The following KSR2 variants were observed in gnomAD, a reference collection of about 807,000 sequenced individuals.
KSR2 encodes the protein kinase suppressor of ras 2.
Under a neutral mutation model 107.8 loss-of-function variants are expected in KSR2, and 25 were observed. The observed-to-expected ratio is 0.23, with a 90% CI of 0.17 to 0.32. The LOEUF (loss-of-function observed/expected upper bound fraction) is 0.32. KSR2 is among the 10% of genes least tolerant of loss of function. The pLI is 1.00. For synonymous variants in KSR2, 480 were observed against 507.0 expected (o/e 0.95, Z 0.71); for missense variants, 887 against 1,268.9 (o/e 0.70, Z 4.57).
intron 1 of KSR2, among the ~76,000 whole-genome samples, chr12:117,922,011 T>G (rs142278168): frequency 3.3e-5 from 5 of 152,336 alleles, no homozygotes; most frequent in Non-Finnish European, 5.9e-5. Context: ...TAGAATTTGA[T>G]GCACTAAATG....
intron 4 of KSR2, among the ~76,000 whole-genome samples, chr12:117,690,957 C>G (rs1445419526): frequency 6.6e-6 from 1 of 152,144 alleles, no homozygotes; most frequent in African/African-American, 2.4e-5. Context: ...TTCCCACCTC[C>G]AAGGAAACCA....
chr12:117,798,042 G>A (rs1344332085), intron 3 of KSR2, among the ~76,000 whole-genome samples: 1 of 152,126 alleles, frequency 6.6e-6, no homozygotes, highest in Non-Finnish European at 1.5e-5. Flanking sequence ...CAGCATGGGG[G>A]CCCTGATCCC....
At chr12:117,831,675 A>G (rs1891974654) in intron 3 of KSR2, among the ~76,000 whole-genome samples, 1 of 152,226 alleles carries the variant, frequency 6.6e-6, no homozygotes, top group Non-Finnish European at 1.5e-5. Flanking sequence ...AAGACATTGG[A>G]CTTTGTATAT....
intron 3 of KSR2, among the ~76,000 whole-genome samples, chr12:117,845,440 G>C (rs562032080): frequency 1.3e-5 from 2 of 152,158 alleles, no homozygotes; most frequent in South Asian, 2.1e-4. Flanking sequence ...TCAAGTCTCA[G>C]CTTAAATGTC....
intron 14 of KSR2, among the ~76,000 whole-genome samples, chr12:117,523,335 T>C (rs1435200833): frequency 6.6e-6 from 1 of 152,100 alleles, no homozygotes; most frequent in Non-Finnish European, 1.5e-5. Context: ...TTGAGCTGAG[T>C]AGAGCAAGGA....
chr12:117,485,934 C>T (rs914315804), intron 14 of KSR2, among the ~76,000 whole-genome samples: 2 of 152,220 alleles, frequency 1.3e-5, no homozygotes, highest in South Asian at 2.1e-4. Context: ...CCCACAGAAT[C>T]TAGCCTAGTC....
chr12:117,817,920 G>C (rs1054334886), intron 3 of KSR2, among the ~76,000 whole-genome samples: 1 of 152,066 alleles, frequency 6.6e-6, no homozygotes. Flanking sequence ...GGCCAACACA[G>C]TAAAACCCCG....
intron 1 of KSR2, among the ~76,000 whole-genome samples, chr12:117,957,922 C>A (rs1395214980): frequency 6.6e-6 from 1 of 151,612 alleles, no homozygotes; most frequent in Non-Finnish European, 1.5e-5. Context: ...ACCTGCGCCT[C>A]CTGGGTTCAA....
chr12:117,564,911 CTTTG>C (rs1406476820), intron 7 of KSR2, among the ~76,000 whole-genome samples: 1 of 152,208 alleles, frequency 6.6e-6, no homozygotes, highest in African/African-American at 2.4e-5. Flanking sequence ...TCGTATCCCT[CTTTG>C]TTTGTGAAAT....
At chr12:117,753,774 T>C (rs747553032) in intron 4 of KSR2, among the ~76,000 whole-genome samples, 1 of 150,192 alleles carries the variant, frequency 6.7e-6, no homozygotes, top group African/African-American at 2.5e-5. Context: ...AGTTTACCTA[T>C]GTAACAAACC....
chr12:117,958,845 C>G (rs1896586235), intron 1 of KSR2, among the ~76,000 whole-genome samples: 1 of 152,022 alleles, frequency 6.6e-6, no homozygotes, highest in African/African-American at 2.4e-5. Flanking sequence ...AATGATGGGG[C>G]ATCCATGTCA....
intron 4 of KSR2, among the ~76,000 whole-genome samples, chr12:117,728,629 TCCCCCAGC>T (rs1245306272): frequency 6.6e-6 from 1 of 152,126 alleles, no homozygotes; most frequent in Non-Finnish European, 1.5e-5. Flanking sequence ...ACCTGTGTGT[TCCCCCAGC>T]GCTGCAAAAC....
intron 4 of KSR2, among the ~76,000 whole-genome samples, chr12:117,668,750 G>A (rs1409259253): frequency 1.3e-5 from 2 of 152,074 alleles, no homozygotes; most frequent in Non-Finnish European, 2.9e-5. Context: ...ATTATATTAT[G>A]GATATCTGTC....
intron 4 of KSR2, among the ~76,000 whole-genome samples, chr12:117,730,741 C>T (rs965697638): frequency 1.3e-5 from 2 of 152,224 alleles, no homozygotes; most frequent in Non-Finnish European, 2.9e-5. Context: ...AGCTCCTGAC[C>T]GCGAGTGATC....
At chr12:117,914,636 G>C (rs1895123691) in intron 1 of KSR2, among the ~76,000 whole-genome samples, 1 of 152,160 alleles carries the variant, frequency 6.6e-6, no homozygotes, top group South Asian at 2.1e-4. Flanking sequence ...CCAGGCTCAA[G>C]CCATCCTCCC....
chr12:117,810,351 C>T (rs1260388447), intron 3 of KSR2, among the ~76,000 whole-genome samples: 1 of 152,126 alleles, frequency 6.6e-6, no homozygotes, highest in African/African-American at 2.4e-5. Flanking sequence ...CGCTCTGTCA[C>T]CCAGGCTAGA....
chr12:117,916,008 A>T (rs991347331), intron 1 of KSR2, among the ~76,000 whole-genome samples: 2 of 151,942 alleles, frequency 1.3e-5, no homozygotes, highest in Non-Finnish European at 2.9e-5. Context: ...AGCCCAATGC[A>T]TTCTGATATC....
chr12:117,923,215 CATCTATCT>C (rs368881568), intron 1 of KSR2, among the ~76,000 whole-genome samples: 1 of 152,100 alleles, frequency 6.6e-6, no homozygotes, highest in Non-Finnish European at 1.5e-5. Flanking sequence ...AACTATCTAT[CATCTATCT>C]ATCTATCTAT....
intron 12 of KSR2, among the ~76,000 whole-genome samples, chr12:117,528,395 A>G (rs1029518299): frequency 6.6e-6 from 1 of 152,078 alleles, no homozygotes; most frequent in Non-Finnish European, 1.5e-5. Context: ...AGAAAAAAGA[A>G]TCACAATGAA....
Sources: gnomAD v4.1 joint callset for allele counts (sites outside exome capture counted in the v4.1 genomes callset) on GRCh38, gnomAD v4.1.1 for gene constraint, MANE v1.5 for transcripts, NCBI Gene and HGNC (gene_info 2026-07-23, HGNC 2026-07-21) for gene names.